Variants in PDE2A observed in about 807,000 individuals in gnomAD.
The protein encoded by PDE2A is phosphodiesterase 2A, also known as cGMP-dependent 3',5'-cyclic phosphodiesterase.
A neutral mutation model predicts 133.6 loss-of-function variants in PDE2A; 53 were observed. The observed-to-expected ratio is 0.40, with a 90% CI of 0.32 to 0.50. PDE2A has a LOEUF of 0.50. PDE2A is among the 20% of genes least tolerant of loss of function. The pLI, the probability that PDE2A is intolerant of heterozygous loss-of-function variation, is 0.73. For missense variants in PDE2A, 796 were observed against 1,232.4 expected (o/e 0.65, Z 5.30); for synonymous variants, 491 against 490.2 (o/e 1.00, Z -0.02).
At chr11:72,671,982 C>T (rs1026891237) in intron 1 of PDE2A, among the ~76,000 whole-genome samples, 1 of 152,070 alleles carries the variant, frequency 6.6e-6, no homozygotes, top group Non-Finnish European at 1.5e-5. Context: ...GACCCCAGTC[C>T]AAGCCTGAGC....
chr11:72,603,105 G>A (rs576776926), intron 4 of PDE2A, among the ~76,000 whole-genome samples: 36 of 152,316 alleles, frequency 2.4e-4, no homozygotes, highest in African/African-American at 8.7e-4. Flanking sequence ...GTTTGGGGAT[G>A]ATGACGGGTG....
At chr11:72,669,098 C>T in intron 1 of PDE2A, 1 of 359,556 alleles carries the variant, frequency 2.8e-6, no homozygotes, top group Non-Finnish European at 3.9e-6. Flanking sequence ...TAATTATCTC[C>T]ACCCCACTAT....
intron 2 of PDE2A, chr11:72,631,015 T>C (rs1040799471): frequency 1.1e-5 from 15 of 1,351,780 alleles, no homozygotes; most frequent in Non-Finnish European, 1.4e-5. Context: ...CCACTCAGAC[T>C]GATCTTCAGT....
chr11:72,621,518 G>A (rs1857768400), intron 2 of PDE2A, among the ~76,000 whole-genome samples: 1 of 152,222 alleles, frequency 6.6e-6, no homozygotes, highest in Non-Finnish European at 1.5e-5. Flanking sequence ...CCTGCTCGGT[G>A]ACACACAGTC....
At chr11:72,598,634 CTG>C (rs1318816279) in intron 4 of PDE2A, 34 of 1,289,030 alleles carry the variant, frequency 2.6e-5, no homozygotes, top group Non-Finnish European at 3.1e-5. Flanking sequence ...ACTTGGGGAA[CTG>C]TGTGCATACA....
intron 1 of PDE2A, chr11:72,659,513 C>T (rs12804316): frequency 0.42 from 63,092 of 151,682 alleles, 14,765 homozygotes; most frequent in Middle Eastern, 0.66. Flanking sequence ...TAATCCCTCC[C>T]TGCTTGCGCT....
At chr11:72,671,246 T>C (rs1855376997) in intron 1 of PDE2A, among the ~76,000 whole-genome samples, 1 of 152,174 alleles carries the variant, frequency 6.6e-6, no homozygotes, top group East Asian at 1.9e-4. Context: ...AGGGACTCAG[T>C]CAGTGTCTGC....
At chr11:72,581,070 C>A (rs1855704438) in intron 23 of PDE2A, 97 bp from the exon 24 acceptor site, 2 of 895,736 alleles carry the variant, frequency 2.2e-6, no homozygotes, top group South Asian at 1.4e-5. Flanking sequence ...TGCCCAGGAG[C>A]CACTGGGACA....
chr11:72,618,723 G>A (rs1857597168), intron 2 of PDE2A, among the ~76,000 whole-genome samples: 2 of 152,194 alleles, frequency 1.3e-5, no homozygotes, highest in African/African-American at 4.8e-5. Context: ...TTTCAGATGA[G>A]AGAGCCAAGC....
rs1223278018 is a variant in PDE2A at position 72,651,570 on chromosome 11, G to A, written c.72-9244C>T. On this transcript the variant is annotated intron_variant, in intron 1 of 30. Transcript: ENST00000334456. Reference sequence around the variant, plus strand: ...TAGACAAGTGCCTCCTGGAGACCCCGTTTTCTCACTTCTAAACTGGGGATC... The same window carrying A: ...TAGACAAGTGCCTCCTGGAGACCCCATTTTCTCACTTCTAAACTGGGGATC... Among the ~76,000 whole-genome samples the A allele has an allele frequency of 2.6e-5, 4 of 152,296 alleles. No homozygotes were observed. In the East Asian group the frequency reaches 7.7e-4, roughly 29 times the overall value.
At position 72,599,684 on chromosome 11, in the gene PDE2A, G is replaced by T. The variant is rs190121114; in HGVS notation, c.324-2065C>A. On this transcript the variant is annotated intron_variant, in intron 4 of 30. Transcript: ENST00000334456. ...ATTCTCCATGGCAGAGCAAGAATAA[G>T]TGTTCTAGATGAAAAACCTCGGGGA... Among the ~76,000 whole-genome samples, 211 of 152,336 alleles carry T rather than the reference G, an allele frequency of 1.4e-3. 1 individual carries two copies. The highest frequency in any genetic ancestry group is 5.0e-3 in the African/African-American group (206 of 41,568).
intron 23 of PDE2A, 99 bp downstream of exon 23, chr11:72,581,258 G>A (rs1269419088): frequency 1.3e-5 from 16 of 1,215,574 alleles, no homozygotes; most frequent in Non-Finnish European, 1.9e-5. Flanking sequence ...GATCCCATGA[G>A]GCAGTGCGTG....
chr11:72,588,565 A>T (rs946977253), intron 13 of PDE2A, among the ~76,000 whole-genome samples: 2 of 152,188 alleles, frequency 1.3e-5, no homozygotes, highest in Non-Finnish European at 2.9e-5. Context: ...CCAATACCCC[A>T]AGAGCAGATT....
At chr11:72,639,497 T>TA (rs1174554274) in intron 2 of PDE2A, among the ~76,000 whole-genome samples, 1 of 152,092 alleles carries the variant, frequency 6.6e-6, no homozygotes, top group Non-Finnish European at 1.5e-5. Flanking sequence ...AAGCTGTTCT[T>TA]ACACCAACAG....
intron 25 of PDE2A, 38 bp downstream of exon 25, chr11:72,580,539 A>C: frequency 6.6e-7 from 1 of 1,504,700 alleles, no homozygotes; most frequent in Non-Finnish European, 9.1e-7. Context: ...ACTGGCCTTA[A>C]AGGGGAAGAA....
intron 2 of PDE2A, among the ~76,000 whole-genome samples, chr11:72,610,594 C>T (rs994913748): frequency 6.6e-6 from 1 of 152,194 alleles, no homozygotes; most frequent in African/African-American, 2.4e-5. Context: ...CCCCAGGCTT[C>T]CTTGGTCCCT....
intron 21 of PDE2A, chr11:72,582,214 G>C: frequency 1.6e-6 from 1 of 609,878 alleles, no homozygotes; most frequent in East Asian, 2.8e-5. Context: ...ACATGCCCTG[G>C]GCATGGTTGG....
intron 2 of PDE2A, among the ~76,000 whole-genome samples, chr11:72,640,708 T>C (rs944640533): frequency 1.3e-5 from 2 of 152,118 alleles, no homozygotes; most frequent in South Asian, 2.1e-4. Flanking sequence ...GCCCCTGCAG[T>C]GGCCCTTCCT....
chr11:72,668,438 T>C (rs535791301), intron 1 of PDE2A: 34 of 716,676 alleles, frequency 4.7e-5, no homozygotes, highest in South Asian at 4.7e-4. Context: ...TGTGTGAACA[T>C]GTGAGAAGTC....
Sources: allele counts gnomAD v4.1 joint callset (sites outside exome capture counted in the v4.1 genomes callset), GRCh38; gene constraint gnomAD v4.1.1; transcripts MANE v1.5; gene names NCBI Gene and HGNC (gene_info 2026-07-23, HGNC 2026-07-21).